Variants in CEACAM19 observed in about 807,000 individuals in gnomAD.
The protein encoded by CEACAM19 is cell adhesion molecule CEACAM19.
In CEACAM19, 37 loss-of-function variants were observed where a neutral mutation model predicts 37.6. The observed-to-expected ratio is 0.98, with a 90% CI of 0.76 to 1.29. CEACAM19 has a LOEUF of 1.29. CEACAM19 is among the 50% of genes most tolerant of loss of function. The pLI, the probability that CEACAM19 is intolerant of heterozygous loss-of-function variation, is 0.00. For synonymous variants in CEACAM19, 140 were observed against 149.8 expected (o/e 0.93, Z 0.48); for missense variants, 340 against 375.6 (o/e 0.91, Z 0.78).
At chr19:44,675,466 G>A (rs1386343197) in intron 2 of CEACAM19, among the ~76,000 whole-genome samples, 1 of 151,864 alleles carries the variant, frequency 6.6e-6, no homozygotes. Flanking sequence ...AGGGATTCAG[G>A]TATCATCAAC....
chr19:44,680,547 C>T (rs16979348), intron 5 of CEACAM19, among the ~76,000 whole-genome samples: 1,945 of 152,014 alleles, frequency 0.013, 40 homozygotes, highest in African/African-American at 0.045. Flanking sequence ...CAGTGGCTAG[C>T]ATCCCCATCC....
At chr19:44,669,273 C>G (rs951310871), upstream of CEACAM19, among the ~76,000 whole-genome samples, 2 of 152,008 alleles carry the variant, frequency 1.3e-5, no homozygotes, top group African/African-American at 2.4e-5. Context: ...TGAAAGCCAC[C>G]AAGCCTACCT....
intron 2 of CEACAM19, among the ~76,000 whole-genome samples, chr19:44,673,242 C>T (rs1252070307): frequency 6.6e-6 from 1 of 152,176 alleles, no homozygotes; most frequent in Admixed American, 6.5e-5. Context: ...AAATTTTTAT[C>T]GAGCACTTAC....
At chr19:44,668,944 C>T (rs183326694), upstream of CEACAM19, among the ~76,000 whole-genome samples, 2,868 of 146,250 alleles carry the variant, frequency 0.02, 43 homozygotes, top group Non-Finnish European at 0.03. Context: ...CTCAGCCTCC[C>T]GAGTAGCTGG....
At chr19:44,668,544 A>AT (rs1568512971), upstream of CEACAM19, among the ~76,000 whole-genome samples, 21 of 70,434 alleles carry the variant, frequency 3.0e-4, no homozygotes, top group African/African-American at 1.9e-3. Flanking sequence ...ATATGTATAT[A>AT]ATTATATAAT....
Position 44,683,440 on chromosome 19 carries a change from C to T in CEACAM19, c.850C>T (p.Leu284=). 1 of 1,554,574 alleles carries T rather than the reference C, an allele frequency of 6.4e-7. No individual in the cohort carries two copies. Among genetic ancestry groups the T allele is most frequent in the Non-Finnish European group, 8.7e-7 (1 of 1,145,242 alleles). The change falls in exon 8 of 8, where the codon CTG becomes TTG. Residue 284 remains leucine (L), a synonymous_variant. Transcript: ENST00000358777. ...GTTCTCTCTTCCCCCCAAGCAGGAC[C>T]TGCTAAACCCCGACCCTGCCCCCTA... ...AEPENHQYQD[L]LNPDPAPYCQ... is the part of the protein sequence containing the mutation.
At chr19:44,666,451 C>A (rs1397692775) in intron 1 of CEACAM19, among the ~76,000 whole-genome samples, 2 of 152,190 alleles carry the variant, frequency 1.3e-5, no homozygotes, top group Non-Finnish European at 2.9e-5. Context: ...GATTGGATCA[C>A]CTGAGATCAG....
intron 2 of CEACAM19, 104 bp downstream of exon 2, chr19:44,673,068 T>C (rs2965157): frequency 0.062 from 61,477 of 984,600 alleles, 8,914 homozygotes; most frequent in African/African-American, 0.52. Context: ...TCCTCTCATT[T>C]ATTCACTTGA....
Position 44,681,217 on chromosome 19 carries a change from T to A in CEACAM19, c.707-10T>A. ...GTGTCAGCTGGTACCTCCCCTGGCC[T>A]CTGTTTCAGGTGACAACAACATCTA... On this transcript the variant is annotated splice_polypyrimidine_tract_variant and intron_variant, in intron 5 of 7. Transcript: ENST00000358777. The A allele has an allele frequency of 6.2e-7, 1 of 1,611,132 alleles. No individual in the cohort carries two copies. Among genetic ancestry groups the A allele is most frequent in the Non-Finnish European group, 8.5e-7 (1 of 1,177,494 alleles).
chr19:44,666,437 G>C (rs1973716005), intron 1 of CEACAM19, among the ~76,000 whole-genome samples: 1 of 152,202 alleles, frequency 6.6e-6, no homozygotes, highest in African/African-American at 2.4e-5. Flanking sequence ...GGGAGGCCGA[G>C]GTGGATTGGA....
In CEACAM19 at chr19:44,672,750, G is replaced by C. The variant is rs992027503; in HGVS notation, c.210G>C (p.Glu70Asp). ...FQDFNWYLGE[E>D]TYGGTRLFTY... is the part of the protein sequence containing the mutation. ...ACTTCAACTGGTACCTGGGGGAGGAGACGTACGGAGGCACGAGGCTATTTA... is the reference window on the plus strand; with the variant it reads ...ACTTCAACTGGTACCTGGGGGAGGACACGTACGGAGGCACGAGGCTATTTA... The change falls in exon 2 of 8, where the codon GAG becomes GAC. Residue 70 changes from glutamate to aspartate, a missense_variant. Physicochemically the swap from Glu to Asp is conservative, Grantham distance 45 (BLOSUM62 2). Coordinates refer to ENST00000358777, the MANE Select transcript of CEACAM19 (RefSeq NM_001127893.3). 4.4e-6 allele frequency: 7 copies of C among 1,583,008 alleles called. No homozygotes were observed. Among genetic ancestry groups the C allele is most frequent in the African/African-American group, 1.3e-5 (1 of 74,078 alleles).
In CEACAM19 at chr19:44,683,494, G is replaced by T; in HGVS notation, c.*4G>T. 6.5e-7 allele frequency: 1 copy of T among 1,542,068 alleles called. No individual in the cohort carries two copies. The highest frequency in any genetic ancestry group is 8.8e-7 in the Non-Finnish European group (1 of 1,139,514). On this transcript the variant is annotated 3_prime_UTR_variant, in exon 8 of 8. Transcript: ENST00000358777. The stretch of plus-strand genomic sequence containing the variant: ...CCAGCTGGTGCCAACTTCCTGATGG[G>T]TCCTGGGCCAGGCCAGCCAGGGAGA...
chr19:44,678,837 T>C lies in CEACAM19; in HGVS notation c.576-16T>C. On this transcript the variant is annotated splice_polypyrimidine_tract_variant and intron_variant, in intron 3 of 7. Transcript: ENST00000358777. ...ATGCTTTATTCCAATTTTCTTCCCC[T>C]CTCTTTCCACCCTAGACTGCCTGCT... The C allele has an allele frequency of 6.2e-7, 1 of 1,610,606 alleles. No homozygotes were observed. Among genetic ancestry groups the C allele is most frequent in the Non-Finnish European group, 8.5e-7 (1 of 1,178,270 alleles).
intron 3 of CEACAM19, among the ~76,000 whole-genome samples, chr19:44,677,054 T>C (rs1973962084): frequency 6.6e-6 from 1 of 152,130 alleles, no homozygotes; most frequent in Non-Finnish European, 1.5e-5. Flanking sequence ...AGGCAGGCTC[T>C]CCCCTGTTGC....
upstream of CEACAM19, among the ~76,000 whole-genome samples, chr19:44,668,439 TTA>T (rs1341936679): frequency 3.1e-5 from 2 of 65,280 alleles, no homozygotes; most frequent in African/African-American, 1.2e-4. Context: ...TTATATATTA[TTA>T]TATATATTTT....
chr19:44,668,653 A>G (rs1421093771), upstream of CEACAM19, among the ~76,000 whole-genome samples: 2 of 78,486 alleles, frequency 2.5e-5, no homozygotes, highest in East Asian at 6.4e-4. Flanking sequence ...ATATGTATAT[A>G]ATTATATAAT....
Position 44,680,441 on chromosome 19 carries a change from T to C in CEACAM19, c.706+107T>C. On this transcript the variant is annotated intron_variant, in intron 5 of 7. Coordinates refer to ENST00000358777, the MANE Select transcript of CEACAM19 (RefSeq NM_001127893.3). ...TCTCCCTCACTCAGAGACCTCCCAA[T>C]GCACCTGCCCCGAGACCTCTCTGGG... is the stretch of plus-strand genomic sequence containing the variant. 3.9e-6 allele frequency: 4 copies of C among 1,038,480 alleles called. No individual in the cohort carries two copies. The Admixed American group carries it at 5.8e-5, about 15-fold the overall frequency. The allele number at this position is 1,038,480 out of a possible 1,614,324, so 64.3% of individuals were successfully genotyped here.
At chr19:44,679,067 AC>A (rs1436684409) in intron 4 of CEACAM19, 131 bp downstream of exon 4, 4 of 1,369,958 alleles carry the variant, frequency 2.9e-6, no homozygotes, top group Non-Finnish European at 3.9e-6. Flanking sequence ...ATCGTAGCTC[AC>A]CGTAGCCTCG....
At chr19:44,677,432 G>GGAGAGAGA (rs146217697) in intron 3 of CEACAM19, among the ~76,000 whole-genome samples, 18 of 147,884 alleles carry the variant, frequency 1.2e-4, no homozygotes, top group Admixed American at 8.1e-4. Context: ...CTACTTGTAT[G>GGAGAGAGA]GAGAGAGAGA....
Sources: allele counts gnomAD v4.1 joint callset (sites outside exome capture counted in the v4.1 genomes callset), GRCh38; gene constraint gnomAD v4.1.1; transcripts MANE v1.5; gene names NCBI Gene and HGNC (gene_info 2026-07-23, HGNC 2026-07-21).